CIZ1: variants seen among roughly 807,000 people sequenced by gnomAD.
CIZ1 encodes the protein cip1-interacting zinc finger protein.
Under a neutral mutation model 118.6 loss-of-function variants are expected in CIZ1, and 58 were observed. The ratio of observed to expected loss-of-function variants is 0.49; its 90% CI spans 0.40 to 0.61. The LOEUF (loss-of-function observed/expected upper bound fraction) is 0.61. CIZ1 is among the 20% of genes least tolerant of loss of function. The pLI, the probability that CIZ1 is intolerant of heterozygous loss-of-function variation, is 0.00. For synonymous variants in CIZ1, 448 were observed against 443.4 expected (o/e 1.01, Z -0.13); for missense variants, 921 against 1,115.9 (o/e 0.83, Z 2.49).
chr9:128,174,548 T>C (rs1830626672), intron 11 of CIZ1, among the ~76,000 whole-genome samples: 1 of 152,170 alleles, frequency 6.6e-6, no homozygotes, highest in Non-Finnish European at 1.5e-5. Flanking sequence ...AATTAGAATT[T>C]TTTTCACTTA....
At chr9:128,180,847 A>G (rs766678882) in intron 5 of CIZ1, 33 bp from the exon 6 acceptor site, 2 of 1,488,380 alleles carry the variant, frequency 1.3e-6, no homozygotes, top group Non-Finnish European at 1.9e-6. Flanking sequence ...TTGACATCCA[A>G]TACCCACCCC....
At chr9:128,187,488 T>C (rs1178458872) in intron 4 of CIZ1, among the ~76,000 whole-genome samples, 1 of 152,200 alleles carries the variant, frequency 6.6e-6, no homozygotes, top group African/African-American at 2.4e-5. Context: ...TTTCCTGATC[T>C]GTAAAAAGGG....
intron 3 of CIZ1, among the ~76,000 whole-genome samples, chr9:128,189,019 G>A (rs1255142984): frequency 3.3e-5 from 5 of 151,990 alleles, no homozygotes; most frequent in African/African-American, 9.7e-5. Flanking sequence ...GGATGGTCTC[G>A]ATCTCCTGAC....
intron 11 of CIZ1, among the ~76,000 whole-genome samples, chr9:128,174,695 T>C (rs1171588117): frequency 2.0e-5 from 3 of 152,170 alleles, no homozygotes; most frequent in Non-Finnish European, 4.4e-5. Flanking sequence ...AGAATCTCTC[T>C]GTCACCCAGG....
intron 5 of CIZ1, among the ~76,000 whole-genome samples, chr9:128,182,149 TTTACCCTGCC>T (rs1831740432): frequency 6.6e-6 from 1 of 152,164 alleles, no homozygotes; most frequent in Non-Finnish European, 1.5e-5. Context: ...ACTCACATTC[TTTACCCTGCC>T]CCTTCTGCCT....
rs1227239511 is a variant in CIZ1 at position 128,167,113 on chromosome 9, T to C, written c.2347A>G (p.Ser783Gly). ...GCCTTACCATATGCAGTATTGGGGC[T>C]GTAGGTCTCCGAGCCCTTCCACTCC... is the stretch of plus-strand genomic sequence containing the variant. ...REEWKGSETYSPNTAYGVDFL... is the reference protein window; with the variant it reads ...REEWKGSETYGPNTAYGVDFL... The change falls in exon 15 of 17, where the codon AGC becomes GGC. Residue 783 changes from serine to glycine, a missense_variant. Coordinates refer to ENST00000372938, the MANE Select transcript of CIZ1 (RefSeq NM_001131016.2). 1.9e-6 allele frequency: 3 copies of C among 1,602,650 alleles called. No individual in the cohort carries two copies. Among genetic ancestry groups the C allele is most frequent in the Non-Finnish European group, 8.5e-7 (1 of 1,174,254 alleles).
At position 128,170,113 on chromosome 9, in the gene CIZ1, T is replaced by A. The variant is rs778293733; in HGVS notation, c.1944-6A>T. On this transcript the variant is annotated splice_polypyrimidine_tract_variant and splice_region_variant and intron_variant, in intron 11 of 16. Coordinates refer to ENST00000372938, the MANE Select transcript of CIZ1 (RefSeq NM_001131016.2). The stretch of plus-strand genomic sequence containing the variant: ...AGCGCCTTGGTGGAGGCTCCCTGAA[T>A]GACAACAGTCAAAGCAAGTACAATG... 3 of 1,565,124 alleles carry A rather than the reference T, an allele frequency of 1.9e-6. No individual in the cohort carries two copies. The highest frequency in any genetic ancestry group is 8.7e-7 in the Non-Finnish European group (1 of 1,150,270).
chr9:128,169,420 C>T lies in CIZ1; in HGVS notation c.2131G>A (p.Asp711Asn), dbSNP rs752622423. 3 of 1,614,122 alleles carry T rather than the reference C, an allele frequency of 1.9e-6. No individual in the cohort carries two copies. The highest frequency in any genetic ancestry group is 2.5e-6 in the Non-Finnish European group (3 of 1,179,948). The change falls in exon 13 of 17, where the codon GAC becomes AAC. Residue 711 changes from aspartate to asparagine, a missense_variant. Physicochemically the swap from Asp to Asn is conservative, Grantham distance 23. Coordinates refer to ENST00000372938, the MANE Select transcript of CIZ1 (RefSeq NM_001131016.2). ...VEHVKSQGHK[D>N]KAKELKSLEK... ...GCTCAGGTTACCTCCTTGGCTTTGT[C>T]CTTATGCCCCTGGGACTTCACGTGC...
rs573163550 is a variant in CIZ1 at position 128,191,312 on chromosome 9, C to A, written c.-6+120G>T. The A allele has an allele frequency of 3.9e-3, 1,064 of 271,180 alleles. 3 individuals carry two copies. The highest frequency in any genetic ancestry group is 4.6e-3 in the Non-Finnish European group (787 of 172,318). The allele number at this position is 271,180 out of a possible 1,614,324, so 16.8% of individuals were successfully genotyped here. ...CTGAGCTCCGTGGGACGGCTTCTCT[C>A]CACCACCGCCACCTCCTCGCGCCCC... is the stretch of plus-strand genomic sequence containing the variant. On this transcript the variant is annotated intron_variant, in intron 1 of 16. Transcript: ENST00000372938. This position sits in a 1 kb window ranked among gnomAD's most constrained non-coding sequence, Gnocchi z 5.5.
At position 128,203,454 on chromosome 9, in the gene CIZ1, C is replaced by T; in HGVS notation, c.-6+732G>A. 2.7e-6 allele frequency: 4 copies of T among 1,461,988 alleles called. No individual in the cohort carries two copies. The highest frequency in any genetic ancestry group is 1.5e-5 in the African/African-American group (1 of 68,194). 90.6% of individuals were successfully genotyped at this position (1,461,988 alleles called of 1,614,324 possible). On this transcript the variant is annotated intron_variant, in intron 1 of 17. Coordinates refer to the CIZ1 transcript ENST00000372948. The surrounding 1 kb of genome is among the most constrained non-coding windows in gnomAD (Gnocchi z 5.3). ...CTAGCGGCAGCCGGATCGCAGCCTG[C>T]GGGGCCCGCCGCAGCCATGGGCAAC...
Position 128,170,000 on chromosome 9 carries a change from C to A in CIZ1, c.2031+20G>T. On this transcript the variant is annotated intron_variant, in intron 12 of 16. Transcript: ENST00000372938. ...GCAGACGGCAGTGCGGGTGCCTCTG[C>A]AGCGTGCAGGCCCTCCTACCTTGTG... The A allele has an allele frequency of 6.2e-7, 1 of 1,601,966 alleles. No individual in the cohort carries two copies. Among genetic ancestry groups the A allele is most frequent in the Non-Finnish European group, 8.5e-7 (1 of 1,174,462 alleles).
In CIZ1 at chr9:128,191,255, A is replaced by C; in HGVS notation, c.-6+177T>G. ...CTCTGGGCCCCCGGGTGTCAATAAC[A>C]TCGGCACCCGTCCAACCCGGTCACC... On this transcript the variant is annotated intron_variant, in intron 1 of 16. Coordinates refer to ENST00000372938, the MANE Select transcript of CIZ1 (RefSeq NM_001131016.2). This position sits in a 1 kb window ranked among gnomAD's most constrained non-coding sequence, Gnocchi z 5.5. 1 of 230,908 alleles carries C rather than the reference A, an allele frequency of 4.3e-6. No individual in the cohort carries two copies. The highest frequency in any genetic ancestry group is 8.3e-6 in the Non-Finnish European group (1 of 120,244). 14.3% of individuals were successfully genotyped at this position (230,908 alleles called of 1,614,324 possible). A position where few individuals can be genotyped will look rare whatever the true frequency, so the allele number is the denominator to read the frequency against.
At chr9:128,191,614 G>C (rs1416820225), upstream of CIZ1, 3 of 1,205,444 alleles carry the variant, frequency 2.5e-6, no homozygotes, top group Non-Finnish European at 2.1e-6. This position sits in a 1 kb window ranked among gnomAD's most constrained non-coding sequence, Gnocchi z 5.5. Context: ...CGCCCTCTGG[G>C]GGACGGGAGG....
upstream of CIZ1, among the ~76,000 whole-genome samples, chr9:128,193,868 CT>C: frequency 6.6e-6 from 1 of 152,292 alleles, no homozygotes; most frequent in South Asian, 2.1e-4. Flanking sequence ...TGGTTTCCTC[CT>C]TGGTGAAATG....
rs1416334300 is a variant in CIZ1 at position 128,177,566 on chromosome 9, C to T, written c.1818G>A (p.Gln606=). Residue 606 remains glutamine, a splice_region_variant and synonymous_variant, in exon 10 of 17, where the codon CAG becomes CAA. Coordinates refer to ENST00000372938, the MANE Select transcript of CIZ1 (RefSeq NM_001131016.2). ...CCACCCTTATCTCCTGTATCAGTAC[C>T]TGCTGGCTGGAGCAGCTGGCCTTGC... ...YICKASCSSQ[Q]EFQDHMSEPQ... The T allele has an allele frequency of 1.4e-6, 2 of 1,394,086 alleles. No individual in the cohort carries two copies. The highest frequency in any genetic ancestry group is 2.8e-5 in the South Asian group (2 of 71,906). The allele number at this position is 1,394,086 out of a possible 1,614,324, so 86.4% of individuals were successfully genotyped here. A position where few individuals can be genotyped will look rare whatever the true frequency, so the allele number is the denominator to read the frequency against.
chr9:128,179,521 C>G lies in CIZ1; in HGVS notation c.792-106G>C, dbSNP rs1831298413. 76 of 1,027,904 alleles carry G rather than the reference C, an allele frequency of 7.4e-5. 1 individual carries two copies. In the South Asian group the frequency reaches 1.2e-3, roughly 16 times the overall value. The allele number at this position is 1,027,904 out of a possible 1,614,324, so 63.7% of individuals were successfully genotyped here. A position where few individuals can be genotyped will look rare whatever the true frequency, so the allele number is the denominator to read the frequency against. ...AGCGTGGTGGCTCGCATCTGTAAAC[C>G]CAGCACTTTGGGAGGCTGAGGCAGG... On this transcript the variant is annotated intron_variant, in intron 7 of 16. Transcript: ENST00000372938.
chr9:128,183,539 T>C (rs1588210526), intron 5 of CIZ1, among the ~76,000 whole-genome samples: 1 of 151,988 alleles, frequency 6.6e-6, no homozygotes, highest in Non-Finnish European at 1.5e-5. Context: ...AGAAGCAGGG[T>C]GTGAGCAGGA....
intron 11 of CIZ1, 57 bp downstream of exon 11, chr9:128,176,294 C>T: frequency 1.4e-5 from 22 of 1,594,026 alleles, no homozygotes; most frequent in Non-Finnish European, 1.8e-5. Flanking sequence ...AGATTCAGGC[C>T]CTGGCCGATG....
intron 10 of CIZ1, 95 bp downstream of exon 10, chr9:128,177,471 C>T: frequency 2.4e-6 from 2 of 842,758 alleles, no homozygotes; most frequent in Non-Finnish European, 3.5e-6. Flanking sequence ...CTGCTTGGGG[C>T]AGGGCCCATT....
Sources: gnomAD v4.1 joint callset for allele counts (sites outside exome capture counted in the v4.1 genomes callset) on GRCh38, gnomAD v4.1.1 for gene constraint, Gnocchi (gnomAD v3.1) non-coding constraint, MANE v1.5 for transcripts, NCBI Gene and HGNC (gene_info 2026-07-23, HGNC 2026-07-21) for gene names.